MAF: variants seen among roughly 807,000 people sequenced by gnomAD.
MAF encodes transcription factor Maf.
MAF carries 10 observed loss-of-function variants against 22.0 expected under a neutral mutation model. That is an observed-to-expected ratio of 0.45 (90% CI 0.28 to 0.77). MAF has a LOEUF of 0.77. Among genes scored for constraint, MAF ranks in the 30% least tolerant of loss-of-function variants. The pLI, the probability that MAF is intolerant of heterozygous loss-of-function variation, is 0.12. For missense variants in MAF, 544 were observed against 548.4 expected, an observed-to-expected ratio of 0.99 and a Z score of 0.08; for synonymous variants, 337 against 255.8, an observed-to-expected ratio of 1.32 and a Z score of -3.03.
the MAF span, among the ~76,000 whole-genome samples, chr16:79,360,962 T>C: frequency 1.3e-5 from 2 of 152,286 alleles, no homozygotes; most frequent in South Asian, 4.1e-4. Flanking sequence ...TAGGAGCATT[T>C]ACACCACAGA....
the MAF span, among the ~76,000 whole-genome samples, chr16:79,554,255 G>C: frequency 6.6e-6 from 1 of 152,198 alleles, no homozygotes; most frequent in Non-Finnish European, 1.5e-5. Flanking sequence ...GAGGTAGGAA[G>C]TAAAATCCCT....
the MAF span, among the ~76,000 whole-genome samples, chr16:79,240,338 G>C: frequency 6.6e-6 from 1 of 150,956 alleles, no homozygotes; most frequent in Non-Finnish European, 1.5e-5. Flanking sequence ...CTGTATGCCT[G>C]GTGACATTTT....
At chr16:79,440,423 T>TTTCTTTC in the MAF span, among the ~76,000 whole-genome samples, 4 of 152,176 alleles carry the variant, frequency 2.6e-5, no homozygotes, top group Non-Finnish European at 5.9e-5. Context: ...AACTAATTTC[T>TTTCTTTC]TTCTTTCTTC....
At chr16:79,249,791 C>A in the MAF span, among the ~76,000 whole-genome samples, 1 of 152,090 alleles carries the variant, frequency 6.6e-6, no homozygotes, top group Non-Finnish European at 1.5e-5. Context: ...CTTCATGGAG[C>A]TAATTTACAA....
chr16:79,219,106 G>A, the MAF span, among the ~76,000 whole-genome samples: 2 of 152,206 alleles, frequency 1.3e-5, no homozygotes, highest in African/African-American at 2.4e-5. Flanking sequence ...CATCTTAGGC[G>A]TGAGAGAATA....
the MAF span, chr16:79,212,465 C>A: frequency 4.1e-6 from 1 of 241,726 alleles, no homozygotes; most frequent in South Asian, 8.8e-5. Context: ...TTTTTCAAAT[C>A]ATTCCTTAGA....
the MAF span, among the ~76,000 whole-genome samples, chr16:79,292,112 C>A: frequency 6.6e-6 from 1 of 151,966 alleles, no homozygotes; most frequent in African/African-American, 2.4e-5. Context: ...CAAGCAGAAG[C>A]TGTAGGGAAT....
the MAF span, chr16:79,211,822 C>T: frequency 1.4e-5 from 22 of 1,613,490 alleles, no homozygotes; most frequent in Admixed American, 3.5e-4. Flanking sequence ...GATGGGCACA[C>T]ACACCCGCCC....
At chr16:79,519,492 A>AC in the MAF span, among the ~76,000 whole-genome samples, 7 of 152,058 alleles carry the variant, frequency 4.6e-5, no homozygotes, top group Non-Finnish European at 1.0e-4. Flanking sequence ...CTTAGTTTCC[A>AC]CCTTCAAGCA....
chr16:79,286,841 C>T, the MAF span, among the ~76,000 whole-genome samples: 2 of 152,200 alleles, frequency 1.3e-5, no homozygotes, highest in Non-Finnish European at 2.9e-5. Context: ...CTCGTAGAGA[C>T]ACAACTGCAC....
the MAF span, among the ~76,000 whole-genome samples, chr16:79,425,026 G>C: frequency 2.0e-5 from 3 of 151,678 alleles, no homozygotes; most frequent in African/African-American, 7.3e-5. Context: ...GATTTTTTTT[G>C]TTGTTTTACT....
Position 79,594,396 on chromosome 16 carries a change from C to T in MAF, c.*64G>A. 7.0e-7 allele frequency: 1 copy of T among 1,423,666 alleles called. No individual in the cohort carries two copies. The highest frequency in any genetic ancestry group is 9.7e-7 in the Non-Finnish European group (1 of 1,031,174). The allele number at this position is 1,423,666 out of a possible 1,614,324, so 88.2% of individuals were successfully genotyped here. ...AAACAGAAGTCAGGGGTAGGTGGTT[C>T]TCCATGACTGCAAATAATAATAATA... On this transcript the variant is annotated 3_prime_UTR_variant, in exon 2 of 2. Transcript: ENST00000326043.
At chr16:79,324,664 A>C in the MAF span, among the ~76,000 whole-genome samples, 1 of 152,206 alleles carries the variant, frequency 6.6e-6, no homozygotes, top group East Asian at 1.9e-4. Context: ...TGTGCAGGGC[A>C]CCCACCACCT....
the MAF span, among the ~76,000 whole-genome samples, chr16:79,500,210 A>G: frequency 1.3e-5 from 2 of 152,240 alleles, no homozygotes; most frequent in African/African-American, 2.4e-5. Flanking sequence ...TTTTGTTACA[A>G]CAGCCACCAG....
Position 79,599,150 on chromosome 16 carries a change from G to C in MAF, c.753C>G (p.Ala251=), listed in dbSNP as rs1913800875. The C allele has an allele frequency of 6.5e-7, 1 of 1,549,592 alleles. No individual in the cohort carries two copies. Among genetic ancestry groups the C allele is most frequent in the Non-Finnish European group, 8.7e-7 (1 of 1,154,052 alleles). ...GAGGALHPHH[A]AGGLHFDDRF... is the part of the protein sequence containing the mutation. ...GGTCGTCGAAGTGCAGGCCGCCGGC[G>C]GCGTGGTGCGGGTGCAGGGCGCCCC... Residue 251 remains alanine (A), a synonymous_variant, in exon 1 of 2, where the codon GCC becomes GCG. Coordinates refer to ENST00000326043, the MANE Select transcript of MAF (RefSeq NM_005360.5).
chr16:79,229,368 GGT>G, the MAF span: 2 of 151,714 alleles, frequency 1.3e-5, no homozygotes, highest in African/African-American at 4.8e-5. Flanking sequence ...CATTGTGCAG[GGT>G]GTCTCTTTGA....
chr16:79,594,638 G>T, intron 1 of MAF, 85 bp from the exon 2 acceptor site: 1 of 1,449,638 alleles, frequency 6.9e-7, no homozygotes, highest in South Asian at 1.3e-5. Flanking sequence ...TTCCTCATAT[G>T]ATTTTTTTTT....
chr16:79,453,458 G>A, the MAF span, among the ~76,000 whole-genome samples: 1 of 152,268 alleles, frequency 6.6e-6, no homozygotes, highest in Non-Finnish European at 1.5e-5. Context: ...CAGCAAGGAA[G>A]CAATGTAGAT....
chr16:79,443,390 TATCTGGCAGCCCC>T, the MAF span, among the ~76,000 whole-genome samples: 1 of 152,132 alleles, frequency 6.6e-6, no homozygotes, highest in Non-Finnish European at 1.5e-5. Context: ...CTCCAGGCCA[TATCTGGCAGCCCC>T]ACTAACTGGG....
Sources: allele counts gnomAD v4.1 joint callset (sites outside exome capture counted in the v4.1 genomes callset), GRCh38; gene constraint gnomAD v4.1.1; transcripts MANE v1.5; gene names NCBI Gene and HGNC (gene_info 2026-07-23, HGNC 2026-07-21).